Variants in B4GALT6 observed in about 807,000 individuals in gnomAD.
B4GALT6 encodes beta-1,4-galactosyltransferase 6.
B4GALT6 carries 14 observed loss-of-function variants against 46.3 expected under a neutral mutation model. That is an observed-to-expected ratio of 0.30 (90% confidence interval 0.20 to 0.47). The LOEUF is 0.47. Among genes scored for constraint, B4GALT6 ranks in the 20% least tolerant of loss-of-function variants. B4GALT6 has a pLI of 0.99. For missense variants in B4GALT6, 386 were observed against 480.1 expected (o/e 0.80, Z 1.83); for synonymous variants, 168 against 162.0 (o/e 1.04, Z -0.28).
chr18:31,696,911 C>T, the B4GALT6 span, among the ~76,000 whole-genome samples: 10 of 152,188 alleles, frequency 6.6e-5, no homozygotes, highest in African/African-American at 2.4e-4. Flanking sequence ...GCTCGTACCA[C>T]TCACAGCACA....
At chr18:31,657,630 C>T (rs1368621208) in intron 3 of B4GALT6, among the ~76,000 whole-genome samples, 1 of 152,156 alleles carries the variant, frequency 6.6e-6, no homozygotes, top group Non-Finnish European at 1.5e-5. Flanking sequence ...AACATTATAA[C>T]ATATTCAAAA....
chr18:31,715,693 G>A, the B4GALT6 span, among the ~76,000 whole-genome samples: 2 of 151,650 alleles, frequency 1.3e-5, no homozygotes, highest in Admixed American at 6.6e-5. Flanking sequence ...TGGGATTACA[G>A]GCATGTGACA....
At chr18:31,672,901 A>C (rs1357514678) in intron 1 of B4GALT6, among the ~76,000 whole-genome samples, 2 of 152,208 alleles carry the variant, frequency 1.3e-5, no homozygotes, top group Admixed American at 1.3e-4. Flanking sequence ...GTAAGCCTTT[A>C]AGACAGCAGC....
At chr18:31,704,221 ATTT>A in the B4GALT6 span, among the ~76,000 whole-genome samples, 2 of 142,674 alleles carry the variant, frequency 1.4e-5, no homozygotes, top group Admixed American at 7.0e-5. Flanking sequence ...AGAACATGAG[ATTT>A]TTTTTTTTTT....
At chr18:31,723,869 G>C in the B4GALT6 span, among the ~76,000 whole-genome samples, 1 of 152,110 alleles carries the variant, frequency 6.6e-6, no homozygotes, top group Non-Finnish European at 1.5e-5. Flanking sequence ...AAGAGTTCAG[G>C]CTGCCAGAAC....
the B4GALT6 span, among the ~76,000 whole-genome samples, chr18:31,713,179 C>A: frequency 6.6e-6 from 1 of 151,978 alleles, no homozygotes; most frequent in Non-Finnish European, 1.5e-5. Flanking sequence ...ATGGTGAAAC[C>A]CTGTCTGTAC....
At position 31,626,377 on chromosome 18, in the gene B4GALT6, A is replaced by C; in HGVS notation, c.907T>G (p.Tyr303Asp). ...GGTCTGGTTACATTATATCCAGCAT[A>C]GTGAACTCTACAATGCCATATATGG... ...EDDDLWNRVH[Y>D]AGYNVTRPEG... is the part of the protein sequence containing the mutation. The change falls in exon 8 of 9, where the codon TAT becomes GAT. Residue 303 changes from tyrosine to aspartate, a missense_variant. Physicochemically the swap from Tyr to Asp is radical, Grantham distance 160 (BLOSUM62 -3). Transcript: ENST00000306851. The C allele has an allele frequency of 6.4e-7, 1 of 1,552,316 alleles. No homozygotes were observed. The highest frequency in any genetic ancestry group is 8.9e-7 in the Non-Finnish European group (1 of 1,128,352).
the B4GALT6 span, among the ~76,000 whole-genome samples, chr18:31,691,717 A>G: frequency 6.6e-6 from 1 of 152,196 alleles, no homozygotes; most frequent in Non-Finnish European, 1.5e-5. Context: ...TAATGGGTTA[A>G]TAATGAATTA....
At chr18:31,674,053 C>CT (rs1006426604) in intron 1 of B4GALT6, among the ~76,000 whole-genome samples, 1 of 152,176 alleles carries the variant, frequency 6.6e-6, no homozygotes, top group African/African-American at 2.4e-5. Context: ...AGGGACTGTC[C>CT]TGCCAACACC....
the B4GALT6 span, among the ~76,000 whole-genome samples, chr18:31,697,951 G>GT: frequency 6.6e-6 from 1 of 151,932 alleles, no homozygotes. Context: ...TCAATAATGT[G>GT]TTTTCATTTA....
the B4GALT6 span, among the ~76,000 whole-genome samples, chr18:31,706,246 G>A: frequency 6.6e-6 from 1 of 151,908 alleles, no homozygotes; most frequent in South Asian, 2.1e-4. Flanking sequence ...ATACATACAG[G>A]CAAGAGGAGT....
intron 5 of B4GALT6, among the ~76,000 whole-genome samples, chr18:31,634,068 T>C (rs1296030525): frequency 6.6e-6 from 1 of 152,182 alleles, no homozygotes; most frequent in African/African-American, 2.4e-5. Flanking sequence ...TTCATTTCTC[T>C]AGCGAAGACA....
At chr18:31,684,634 G>A (rs988640529), upstream of B4GALT6, 2 of 1,282,960 alleles carry the variant, frequency 1.6e-6, no homozygotes, top group African/African-American at 3.0e-5. Flanking sequence ...TCGGGGGAGG[G>A]GAGGCGCGGA....
At chr18:31,626,946 A>G in intron 7 of B4GALT6, 53 bp downstream of exon 7, 1 of 1,500,724 alleles carries the variant, frequency 6.7e-7, no homozygotes, top group Non-Finnish European at 9.1e-7. Flanking sequence ...TTTACCTAAT[A>G]TAAATAAGAT....
At chr18:31,631,489 A>G (rs1330670346) in intron 5 of B4GALT6, among the ~76,000 whole-genome samples, 1 of 152,116 alleles carries the variant, frequency 6.6e-6, no homozygotes, top group Non-Finnish European at 1.5e-5. Context: ...TTTACTTACT[A>G]TATTATTTTA....
the B4GALT6 span, among the ~76,000 whole-genome samples, chr18:31,695,745 T>C: frequency 1.1e-4 from 16 of 152,320 alleles, no homozygotes; most frequent in East Asian, 2.3e-3. Context: ...GAAAAAATAG[T>C]GCAACTTCTT....
intron 5 of B4GALT6, among the ~76,000 whole-genome samples, chr18:31,635,733 G>A (rs1233209672): frequency 5.9e-5 from 9 of 152,070 alleles, no homozygotes; most frequent in Non-Finnish European, 1.0e-4. Context: ...CAGGAGAATC[G>A]CTTGAACCTG....
At chr18:31,632,557 G>A (rs1306225390) in intron 5 of B4GALT6, among the ~76,000 whole-genome samples, 2 of 152,084 alleles carry the variant, frequency 1.3e-5, no homozygotes, top group Non-Finnish European at 2.9e-5. Context: ...GATATTTCTT[G>A]CTTCTTTCAC....
chr18:31,685,475 C>T (rs1191884255), upstream of B4GALT6, among the ~76,000 whole-genome samples: 3 of 151,364 alleles, frequency 2.0e-5, no homozygotes, highest in Middle Eastern at 3.5e-3. Context: ...ACTCGGCAGG[C>T]GGCGCTGCGC....
Sources: allele counts gnomAD v4.1 joint callset (sites outside exome capture counted in the v4.1 genomes callset), GRCh38; gene constraint gnomAD v4.1.1; transcripts MANE v1.5; gene names NCBI Gene and HGNC (gene_info 2026-07-23, HGNC 2026-07-21).